PHLPP1: variants seen among roughly 807,000 people sequenced by gnomAD.
PHLPP1 encodes the protein PH domain and leucine rich repeat protein phosphatase 1.
Under a neutral mutation model 117.2 loss-of-function variants are expected in PHLPP1, and 42 were observed. The observed-to-expected ratio is 0.36, with a 90% CI of 0.28 to 0.46. The LOEUF (loss-of-function observed/expected upper bound fraction) is 0.46, where lower values mean the gene tolerates loss of function less well. PHLPP1 is among the 20% of genes least tolerant of loss of function. The probability of loss-of-function intolerance (pLI) is 1.00; values close to 1 mark genes in which losing one functional copy is unlikely to be tolerated. For missense variants in PHLPP1, 2,084 were observed against 2,241.9 expected, an observed-to-expected ratio of 0.93 and a Z score of 1.42; for synonymous variants, 1,042 against 970.7, an observed-to-expected ratio of 1.07 and a Z score of -1.37.
chr18:62,836,296 G>A (rs1319034923), intron 2 of PHLPP1, among the ~76,000 whole-genome samples: 4 of 151,474 alleles, frequency 2.6e-5, no homozygotes, highest in African/African-American at 9.7e-5. Flanking sequence ...TGGTGGCGCA[G>A]TGGCAGGCGC....
At chr18:62,915,753 C>T (rs893685570) in intron 9 of PHLPP1, among the ~76,000 whole-genome samples, 8 of 152,206 alleles carry the variant, frequency 5.3e-5, no homozygotes, top group Non-Finnish European at 1.0e-4. Flanking sequence ...AAGTGCTCTG[C>T]ATCTGTGCTG....
At chr18:62,977,879 A>G (rs1911237756) in intron 16 of PHLPP1, among the ~76,000 whole-genome samples, 1 of 152,154 alleles carries the variant, frequency 6.6e-6, no homozygotes, top group African/African-American at 2.4e-5. Flanking sequence ...CACCATGTTC[A>G]CCAAGGGAGG....
intron 2 of PHLPP1, among the ~76,000 whole-genome samples, chr18:62,830,829 A>T (rs1257653693): frequency 6.6e-6 from 1 of 152,186 alleles, no homozygotes; most frequent in Non-Finnish European, 1.5e-5. Flanking sequence ...GTTACTTATG[A>T]GTTGATATCT....
chr18:62,778,377 T>G (rs1913023602), intron 1 of PHLPP1, among the ~76,000 whole-genome samples: 1 of 152,196 alleles, frequency 6.6e-6, no homozygotes, highest in Non-Finnish European at 1.5e-5. Flanking sequence ...AGGGGCTAAC[T>G]TAAAGAGAAT....
chr18:62,814,707 T>G (rs1914214136), intron 1 of PHLPP1, among the ~76,000 whole-genome samples: 1 of 152,252 alleles, frequency 6.6e-6, no homozygotes, highest in African/African-American at 2.4e-5. Flanking sequence ...TTATTTATCA[T>G]GAGTACTTTC....
At chr18:62,929,207 TC>T (rs1167726845) in intron 10 of PHLPP1, among the ~76,000 whole-genome samples, 4 of 152,158 alleles carry the variant, frequency 2.6e-5, no homozygotes, top group Non-Finnish European at 1.5e-5. Flanking sequence ...GCACCCATGA[TC>T]CCTTCTCCAG....
chr18:62,763,671 G>A (rs757422203), intron 1 of PHLPP1, among the ~76,000 whole-genome samples: 6 of 151,998 alleles, frequency 3.9e-5, no homozygotes, highest in Non-Finnish European at 8.8e-5. Context: ...TCAGTCCATG[G>A]TGCTGTGACA....
chr18:62,824,642 TA>T (rs1041926822), intron 1 of PHLPP1, among the ~76,000 whole-genome samples: 30 of 151,998 alleles, frequency 2.0e-4, no homozygotes, highest in African/African-American at 5.5e-4. Flanking sequence ...AATAAATCTG[TA>T]AAAAAAAGTG....
At chr18:62,781,308 C>T (rs1336135229) in intron 1 of PHLPP1, among the ~76,000 whole-genome samples, 1 of 152,184 alleles carries the variant, frequency 6.6e-6, no homozygotes, top group Non-Finnish European at 1.5e-5. Context: ...TGGCTTTGGA[C>T]AAATTTTCTC....
At chr18:62,882,698 A>G (rs775050874) in intron 4 of PHLPP1, among the ~76,000 whole-genome samples, 1 of 152,218 alleles carries the variant, frequency 6.6e-6, no homozygotes, top group African/African-American at 2.4e-5. Context: ...TCTCAAAACC[A>G]CAAGGTGTGC....
chr18:62,968,549 T>C (rs1014604793), intron 14 of PHLPP1, among the ~76,000 whole-genome samples: 5 of 140,524 alleles, frequency 3.6e-5, no homozygotes, highest in African/African-American at 1.3e-4. Context: ...TTTTTTTTTT[T>C]TTTTTTGAGA....
intron 1 of PHLPP1, among the ~76,000 whole-genome samples, chr18:62,822,767 A>G (rs1359634892): frequency 6.6e-6 from 1 of 152,212 alleles, no homozygotes; most frequent in Admixed American, 6.5e-5. Context: ...AACTGGTTTC[A>G]CAAATAATTT....
At chr18:62,792,581 T>C (rs1913492842) in intron 1 of PHLPP1, among the ~76,000 whole-genome samples, 2 of 152,148 alleles carry the variant, frequency 1.3e-5, no homozygotes, top group Admixed American at 6.5e-5. Flanking sequence ...ACTTTAAAAA[T>C]GTTTCTAAGC....
intron 1 of PHLPP1, among the ~76,000 whole-genome samples, chr18:62,736,972 A>G (rs147791530): frequency 1.3e-5 from 2 of 152,354 alleles, no homozygotes; most frequent in East Asian, 1.9e-4. Flanking sequence ...TATGTATTAC[A>G]TTTATGAAGC....
chr18:62,722,525 A>G (rs1910953043), intron 1 of PHLPP1, among the ~76,000 whole-genome samples: 1 of 152,186 alleles, frequency 6.6e-6, no homozygotes. Flanking sequence ...TCCACCTTCT[A>G]AACCCATTCC....
At position 62,782,386 on chromosome 18, in the gene PHLPP1, G is replaced by GA. The variant is rs142051736; in HGVS notation, c.1577-47648dup. ...AAGATGTAATAGTTTAACTCAATTG[G>GA]ATTTTTTAATTGGGTGGAATAATTC... is the stretch of plus-strand genomic sequence containing the variant. On this transcript the variant is annotated intron_variant, in intron 1 of 16. Transcript: ENST00000262719. 6.3e-3 allele frequency among the ~76,000 whole-genome samples: 952 copies of GA among 152,244 alleles called. 4 individuals are homozygous for GA. Among genetic ancestry groups the GA allele is most frequent in the African/African-American group, 0.02 (851 of 41,522 alleles).
At chr18:62,867,112 A>C (rs781022488) in intron 4 of PHLPP1, among the ~76,000 whole-genome samples, 3 of 152,212 alleles carry the variant, frequency 2.0e-5, no homozygotes, top group Non-Finnish European at 4.4e-5. Flanking sequence ...GATCTTAATA[A>C]GCAGTGAAGT....
Position 62,805,512 on chromosome 18 carries a change from A to G in PHLPP1, c.1577-24523A>G, listed in dbSNP as rs1358594273. On this transcript the variant is annotated intron_variant, in intron 1 of 16. Coordinates refer to ENST00000262719, the MANE Select transcript of PHLPP1 (RefSeq NM_194449.4). Reference sequence around the variant, plus strand: ...AACTAGGACTACAAGCATGCGCCCCACACCTGGCTAACTTTTTAATTTTTT... The same window carrying G: ...AACTAGGACTACAAGCATGCGCCCCGCACCTGGCTAACTTTTTAATTTTTT... Among the ~76,000 whole-genome samples, 3 of 151,998 alleles carry G rather than the reference A, an allele frequency of 2.0e-5. No individual in the cohort carries two copies. The East Asian group carries it at 5.8e-4, about 29-fold the overall frequency.
Position 62,939,551 on chromosome 18 carries a change from G to T in PHLPP1, c.2961-2167G>T, listed in dbSNP as rs183845526. ...CTTCAAAACCATTTCAGAAACTGCA[G>T]GAGTGACCTTTATTTCCTTCTCTGT... On this transcript the variant is annotated intron_variant, in intron 10 of 16. Transcript: ENST00000262719. 8.6e-5 allele frequency among the ~76,000 whole-genome samples: 13 copies of T among 151,882 alleles called. No homozygotes were observed. The East Asian group carries it at 2.5e-3, about 29-fold the overall frequency.
Sources: allele counts gnomAD v4.1 joint callset (sites outside exome capture counted in the v4.1 genomes callset), GRCh38; gene constraint gnomAD v4.1.1; transcripts MANE v1.5; gene names NCBI Gene and HGNC (gene_info 2026-07-23, HGNC 2026-07-21).